LPXN: variants seen among roughly 807,000 people sequenced by gnomAD.
LPXN encodes the protein leupaxin.
A neutral mutation model predicts 45.6 loss-of-function variants in LPXN; 28 were observed. The observed-to-expected ratio is 0.61, with a 90% CI of 0.45 to 0.84. LPXN has a LOEUF of 0.84. Ranked by LOEUF, LPXN falls within the 40% of genes least tolerant of loss-of-function variation. The pLI is 0.00. For missense variants in LPXN, 459 were observed against 475.0 expected (o/e 0.97, Z 0.31); for synonymous variants, 166 against 169.9 (o/e 0.98, Z 0.18).
chr11:58,556,787 T>A (rs992774971), intron 3 of LPXN, among the ~76,000 whole-genome samples: 6 of 152,138 alleles, frequency 3.9e-5, no homozygotes, highest in South Asian at 2.1e-4. Flanking sequence ...TTGTAAAATA[T>A]CAAATAATAT....
chr11:58,530,061 T>C (rs1011185047), intron 7 of LPXN, among the ~76,000 whole-genome samples: 2 of 152,240 alleles, frequency 1.3e-5, no homozygotes, highest in African/African-American at 4.8e-5. Flanking sequence ...GATTCCCTCT[T>C]GTGCCTACGC....
At chr11:58,573,416 T>C (rs1854775412) in intron 1 of LPXN, among the ~76,000 whole-genome samples, 1 of 152,216 alleles carries the variant, frequency 6.6e-6, no homozygotes, top group East Asian at 1.9e-4. Context: ...CTTTCTTTTC[T>C]ATTTTCTAAG....
chr11:58,528,438 C>G (rs999173692), intron 7 of LPXN, among the ~76,000 whole-genome samples: 1 of 152,198 alleles, frequency 6.6e-6, no homozygotes. Flanking sequence ...TGCCTTTGTA[C>G]TAAGTATTCC....
chr11:58,577,163 A>T (rs1048859963), upstream of LPXN, among the ~76,000 whole-genome samples: 1 of 151,366 alleles, frequency 6.6e-6, no homozygotes, highest in Non-Finnish European at 1.5e-5. Flanking sequence ...TTTTGAAAGG[A>T]GATTCCTCCT....
intron 2 of LPXN, among the ~76,000 whole-genome samples, chr11:58,570,022 G>A (rs952834333): frequency 1.3e-5 from 2 of 152,052 alleles, no homozygotes; most frequent in African/African-American, 4.8e-5. Flanking sequence ...TGTAGTTCTC[G>A]GCTGGGCGTG....
intron 7 of LPXN, among the ~76,000 whole-genome samples, chr11:58,543,551 A>C (rs770320796): frequency 2.6e-5 from 4 of 152,174 alleles, no homozygotes; most frequent in Non-Finnish European, 2.9e-5. Flanking sequence ...ATTTTTTCAG[A>C]GCAAACTTCT....
At chr11:58,567,846 A>G (rs1854569375) in intron 2 of LPXN, among the ~76,000 whole-genome samples, 7 of 152,196 alleles carry the variant, frequency 4.6e-5, no homozygotes, top group Admixed American at 4.6e-4. Flanking sequence ...GAAAGGGTTT[A>G]TTGTAAAATT....
At chr11:58,557,285 G>A (rs930899618) in intron 3 of LPXN, among the ~76,000 whole-genome samples, 2 of 151,998 alleles carry the variant, frequency 1.3e-5, no homozygotes, top group Non-Finnish European at 2.9e-5. Context: ...ATAGCCAAGA[G>A]GTGGAAACAA....
chr11:58,546,480 T>C (rs768485788), intron 7 of LPXN, among the ~76,000 whole-genome samples: 6 of 152,204 alleles, frequency 3.9e-5, no homozygotes, highest in Non-Finnish European at 7.4e-5. Flanking sequence ...AAAGTTGACA[T>C]GCTGAATGGT....
chr11:58,554,527 G>A (rs1206939066), intron 4 of LPXN, among the ~76,000 whole-genome samples: 9 of 152,070 alleles, frequency 5.9e-5, no homozygotes, highest in Admixed American at 5.9e-4. Context: ...CTCCACATAT[G>A]TTTGCAAAAC....
intron 3 of LPXN, among the ~76,000 whole-genome samples, chr11:58,561,623 G>A (rs757612777): frequency 2.2e-4 from 34 of 152,198 alleles, no homozygotes; most frequent in Non-Finnish European, 4.4e-4. Flanking sequence ...AAGGCAGCAG[G>A]ACTGTGAACA....
rs138590397 is a variant in LPXN at position 58,557,878 on chromosome 11, AAGAT to A, written c.219-2942_219-2939del. ...TTAGAAAAGAAAGCCTATATAAATGAAGATAAATATTATGTCAGTTTCCCCTAAA... is the reference window on the plus strand; with the variant it reads ...TTAGAAAAGAAAGCCTATATAAATGAAAATATTATGTCAGTTTCCCCTAAA... On this transcript the variant is annotated intron_variant, in intron 3 of 8. Transcript: ENST00000395074. Among the ~76,000 whole-genome samples, 485 of 152,336 alleles carry A rather than the reference AAGAT, an allele frequency of 3.2e-3. 1 individual carries two copies. The highest frequency in any genetic ancestry group is 0.011 in the African/African-American group (468 of 41,576).
At chr11:58,578,132 G>A, upstream of LPXN, 1 of 1,492,386 alleles carries the variant, frequency 6.7e-7, no homozygotes, top group South Asian at 1.2e-5. Flanking sequence ...CCCGAGAAAG[G>A]TACGCCAACG....
chr11:58,527,494 G>T lies in LPXN; in HGVS notation c.1121C>A (p.Thr374Asn). 3 of 1,614,106 alleles carry T rather than the reference G, an allele frequency of 1.9e-6. No individual in the cohort carries two copies. Among genetic ancestry groups the T allele is most frequent in the Non-Finnish European group, 2.5e-6 (3 of 1,179,970 alleles). The change falls in exon 9 of 9, where the codon ACC becomes AAC. Residue 374 changes from threonine (T) to asparagine (N), a missense_variant. Coordinates refer to ENST00000395074, the MANE Select transcript of LPXN (RefSeq NM_004811.3). ...CTTATTGAAGCAAGGTTGACAATAG[G>T]TCTTGTCATTCTGCTCCCTGAAAAT... ...KGIFREQNDK[T>N]YCQPCFNKLF...
chr11:58,565,689 T>A (rs933382108), intron 2 of LPXN, among the ~76,000 whole-genome samples: 1 of 152,020 alleles, frequency 6.6e-6, no homozygotes, highest in African/African-American at 2.4e-5. Context: ...CAAGCAACTT[T>A]AAAAAAATAT....
intron 7 of LPXN, among the ~76,000 whole-genome samples, chr11:58,541,971 A>G (rs1853738579): frequency 6.6e-6 from 1 of 151,748 alleles, no homozygotes; most frequent in South Asian, 2.1e-4. Flanking sequence ...GTTCTCACTC[A>G]TAGATGGGAA....
At chr11:58,534,202 C>T (rs1039046157) in intron 7 of LPXN, among the ~76,000 whole-genome samples, 1 of 152,184 alleles carries the variant, frequency 6.6e-6, no homozygotes, top group Non-Finnish European at 1.5e-5. Flanking sequence ...ACTCTCCACC[C>T]GAAATCAACA....
intron 7 of LPXN, among the ~76,000 whole-genome samples, chr11:58,532,701 T>C (rs1853429374): frequency 6.6e-6 from 1 of 152,190 alleles, no homozygotes; most frequent in Non-Finnish European, 1.5e-5. Context: ...AACAGCTCTC[T>C]GTAAAATGGA....
chr11:58,566,165 TA>T (rs1287796743), intron 2 of LPXN, among the ~76,000 whole-genome samples: 3 of 152,250 alleles, frequency 2.0e-5, no homozygotes, highest in Admixed American at 6.5e-5. Context: ...TTTAAACAGT[TA>T]TTTTTTTATA....
Sources: gnomAD v4.1 joint callset for allele counts (sites outside exome capture counted in the v4.1 genomes callset) on GRCh38, gnomAD v4.1.1 for gene constraint, MANE v1.5 for transcripts, NCBI Gene and HGNC (gene_info 2026-07-23, HGNC 2026-07-21) for gene names.